TMEM196: variants seen among roughly 807,000 people sequenced by gnomAD.
The protein encoded by TMEM196 is transmembrane protein 196.
A neutral mutation model predicts 20.0 loss-of-function variants in TMEM196; 17 were observed. That is an observed-to-expected ratio of 0.85 (90% CI 0.58 to 1.27). The LOEUF is 1.27. Among genes scored for constraint, TMEM196 ranks in the 50% most tolerant of loss-of-function variants. The probability of loss-of-function intolerance (pLI) is 0.00; values close to 1 mark genes in which losing one functional copy is unlikely to be tolerated. For missense variants in TMEM196, 267 were observed against 223.0 expected (o/e 1.20, Z -1.26); for synonymous variants, 113 against 88.9 (o/e 1.27, Z -1.52).
chr7:19,743,267 A>G (rs1398923857), intron 1 of TMEM196, among the ~76,000 whole-genome samples: 2 of 152,166 alleles, frequency 1.3e-5, no homozygotes, highest in African/African-American at 4.8e-5. Context: ...TAGAGCCCCT[A>G]AGGAATGAGA....
At chr7:19,762,081 C>T (rs1785457430) in intron 1 of TMEM196, among the ~76,000 whole-genome samples, 1 of 152,012 alleles carries the variant, frequency 6.6e-6, no homozygotes, top group African/African-American at 2.4e-5. Flanking sequence ...GCTGTTTCTG[C>T]TTCAAAAGTG....
intron 1 of TMEM196, among the ~76,000 whole-genome samples, chr7:19,734,475 A>G (rs1784326347): frequency 6.6e-6 from 1 of 152,212 alleles, no homozygotes; most frequent in South Asian, 2.1e-4. Flanking sequence ...AGATGGGGAG[A>G]TTATTGCAGA....
At chr7:19,726,441 G>A (rs1784003860) in intron 2 of TMEM196, among the ~76,000 whole-genome samples, 1 of 152,114 alleles carries the variant, frequency 6.6e-6, no homozygotes, top group South Asian at 2.1e-4. Flanking sequence ...TCCTAAGCAA[G>A]TACTTTAGGG....
Position 19,748,263 on chromosome 7 carries a change from CAAAAAAAAAAAA to C in TMEM196, c.148-18837_148-18826del, listed in dbSNP as rs57276805. ...TTCAGAGATGTTCACTGTGGCTGTCCAAAAAAAAAAAAAAAAAAAAAAAAAAAACAGTGTAAT... is the reference window on the plus strand; with the variant it reads ...TTCAGAGATGTTCACTGTGGCTGTCCAAAAAAAAAAAAAAAACAGTGTAAT... On this transcript the variant is annotated intron_variant, in intron 1 of 4. Coordinates refer to ENST00000405844, the MANE Select transcript of TMEM196 (RefSeq NM_001363562.2). Among the ~76,000 whole-genome samples the C allele has an allele frequency of 8.2e-4, 17 of 20,782 alleles. 1 individual carries two copies. The highest frequency in any genetic ancestry group is 0.056 in the Middle Eastern group (1 of 18). The allele number at this position is 20,782 out of a possible 152,430, so 13.6% of individuals were successfully genotyped here.
chr7:19,744,666 C>G (rs1784691320), intron 1 of TMEM196, among the ~76,000 whole-genome samples: 1 of 152,134 alleles, frequency 6.6e-6, no homozygotes, highest in Admixed American at 6.6e-5. Flanking sequence ...GAAATTTACC[C>G]TCATCATCCA....
chr7:19,727,647 T>C (rs1784047347), intron 2 of TMEM196, among the ~76,000 whole-genome samples: 1 of 152,186 alleles, frequency 6.6e-6, no homozygotes, highest in Non-Finnish European at 1.5e-5. Context: ...TGTTTACTCA[T>C]TCTCTGAAAA....
intron 1 of TMEM196, among the ~76,000 whole-genome samples, chr7:19,744,955 G>C (rs117661900): frequency 6.6e-6 from 1 of 151,946 alleles, no homozygotes; most frequent in Non-Finnish European, 1.5e-5. Flanking sequence ...ATTGAAGCTT[G>C]GGATTTCCTA....
intron 1 of TMEM196, among the ~76,000 whole-genome samples, chr7:19,757,466 T>C (rs114203901): frequency 0.014 from 2,105 of 149,422 alleles, 42 homozygotes; most frequent in African/African-American, 0.049. Flanking sequence ...AGTCTCGAAC[T>C]CCTAACCTCA....
At position 19,746,605 on chromosome 7, in the gene TMEM196, C is replaced by T. The variant is rs149683154; in HGVS notation, c.148-17167G>A. 1.2e-3 allele frequency among the ~76,000 whole-genome samples: 190 copies of T among 152,278 alleles called. 1 individual carries two copies. The highest frequency in any genetic ancestry group is 4.3e-3 in the African/African-American group (177 of 41,562). The stretch of plus-strand genomic sequence containing the variant: ...ATATGCATGAATTGGTTAATTAAGG[C>T]TACTGAATCCAGAATTCCAGATAAC... On this transcript the variant is annotated intron_variant, in intron 1 of 4. Transcript: ENST00000405844.
intron 1 of TMEM196, among the ~76,000 whole-genome samples, chr7:19,762,228 C>T (rs575547032): frequency 1.3e-5 from 2 of 151,710 alleles, no homozygotes; most frequent in Non-Finnish European, 2.9e-5. Flanking sequence ...AAAGAAAACC[C>T]GTCTCATAGA....
intron 1 of TMEM196, among the ~76,000 whole-genome samples, chr7:19,740,719 G>T (rs909285117): frequency 1.3e-5 from 2 of 152,082 alleles, no homozygotes; most frequent in Non-Finnish European, 2.9e-5. Context: ...CACAACCACC[G>T]AGGTCATTGT....
At position 19,722,116 on chromosome 7, in the gene TMEM196, T is replaced by C; in HGVS notation, c.*12A>G. ...AATATCAGCTGTGGTCCTCCATTGC[T>C]CATGTTGTCTGTTATTTCCTGTTAG... On this transcript the variant is annotated 3_prime_UTR_variant, in exon 5 of 5. Coordinates refer to ENST00000405844, the MANE Select transcript of TMEM196 (RefSeq NM_001363562.2). 1 of 1,609,660 alleles carries C rather than the reference T, an allele frequency of 6.2e-7. No homozygotes were observed. The highest frequency in any genetic ancestry group is 8.5e-7 in the Non-Finnish European group (1 of 1,177,924).
rs147187110 is a variant in TMEM196, at chr7:19,767,795, G to A, written c.147+4755C>T. Among the ~76,000 whole-genome samples the A allele has an allele frequency of 7.0e-3, 1,069 of 152,032 alleles. 10 individuals are homozygous for A. Among genetic ancestry groups the A allele is most frequent in the African/African-American group, 0.025 (1,023 of 41,508 alleles). On this transcript the variant is annotated intron_variant, in intron 1 of 4. Coordinates refer to ENST00000405844, the MANE Select transcript of TMEM196 (RefSeq NM_001363562.2). ...GGGAGAAAAAATGATGTATTACCTG[G>A]TTAGAGACACACTAGTTTCAAATTG...
At position 19,719,960 on chromosome 7, in the gene TMEM196, A is replaced by T. The variant is rs1450700421; in HGVS notation, c.*2168T>A. The T allele has an allele frequency of 6.6e-6, 1 of 152,060 alleles. No homozygotes were observed. The highest frequency in any genetic ancestry group is 1.5e-5 in the Non-Finnish European group (1 of 67,926). The allele number at this position is 152,060 out of a possible 1,614,324, so 9.4% of individuals were successfully genotyped here. ...CATTACAACATTTTTCTGATGTATT[A>T]TAATTTTGTATTGAACAAGCATGTT... is the stretch of plus-strand genomic sequence containing the variant. On this transcript the variant is annotated 3_prime_UTR_variant, in exon 5 of 5. Transcript: ENST00000405844.
At chr7:19,722,511 A>G (rs112777781) in intron 4 of TMEM196, among the ~76,000 whole-genome samples, 1 of 152,138 alleles carries the variant, frequency 6.6e-6, no homozygotes, top group African/African-American at 2.4e-5. Context: ...CAAAGTGCCA[A>G]TGCATTCTAG....
Position 19,750,466 on chromosome 7 carries a change from A to T in TMEM196, c.148-21028T>A, listed in dbSNP as rs546954231. ...AAATTTCCAAGTAGTTGAGGTATTTAATCATTATTATGTCCTTACACATAT... is the reference window on the plus strand; with the variant it reads ...AAATTTCCAAGTAGTTGAGGTATTTTATCATTATTATGTCCTTACACATAT... On this transcript the variant is annotated intron_variant, in intron 1 of 4. Coordinates refer to ENST00000405844, the MANE Select transcript of TMEM196 (RefSeq NM_001363562.2). 7.2e-5 allele frequency among the ~76,000 whole-genome samples: 11 copies of T among 152,254 alleles called. No homozygotes were observed. The South Asian group carries it at 1.0e-3, about 14-fold the overall frequency.
chr7:19,746,627 T>A (rs922241061), intron 1 of TMEM196, among the ~76,000 whole-genome samples: 1 of 152,244 alleles, frequency 6.6e-6, no homozygotes, highest in Admixed American at 6.5e-5. Flanking sequence ...GAATTCCAGA[T>A]AACAGCTTTC....
chr7:19,745,923 A>G (rs904995001), intron 1 of TMEM196, among the ~76,000 whole-genome samples: 2 of 151,998 alleles, frequency 1.3e-5, no homozygotes, highest in Non-Finnish European at 2.9e-5. Context: ...AAAAAATCAA[A>G]TAACTCAGAG....
chr7:19,724,764 T>C (rs1043256795), intron 3 of TMEM196, among the ~76,000 whole-genome samples: 7 of 152,196 alleles, frequency 4.6e-5, no homozygotes, highest in African/African-American at 1.7e-4. Context: ...CAAAATATAA[T>C]GTGGCCATTA....
Sources: allele counts gnomAD v4.1 joint callset (sites outside exome capture counted in the v4.1 genomes callset), GRCh38; gene constraint gnomAD v4.1.1; transcripts MANE v1.5; gene names NCBI Gene and HGNC (gene_info 2026-07-23, HGNC 2026-07-21).